Variants in C1orf146 observed in about 807,000 individuals in gnomAD.
The protein encoded by C1orf146 is protein SPO16 homolog.
In C1orf146, 22 loss-of-function variants were observed where a neutral mutation model predicts 23.0. The observed-to-expected ratio is 0.96, with a 90% CI of 0.68 to 1.36. The LOEUF (loss-of-function observed/expected upper bound fraction) is 1.36. Among genes scored for constraint, C1orf146 ranks in the 40% most tolerant of loss-of-function variants. The pLI, the probability that C1orf146 is intolerant of heterozygous loss-of-function variation, is 0.00. For missense variants in C1orf146, 199 were observed against 206.8 expected, an observed-to-expected ratio of 0.96 and a Z score of 0.23; for synonymous variants, 59 against 65.3, an observed-to-expected ratio of 0.90 and a Z score of 0.47.
intron 2 of C1orf146, chr1:92,240,772 C>T (rs183220695): frequency 2.8e-4 from 71 of 252,942 alleles, no homozygotes; most frequent in African/African-American, 1.5e-3. Context: ...GATTCTCTCA[C>T]CTCAGCCTCC....
intron 1 of C1orf146, among the ~76,000 whole-genome samples, chr1:92,229,846 A>C (rs1260261956): frequency 6.6e-6 from 1 of 152,194 alleles, no homozygotes; most frequent in Non-Finnish European, 1.5e-5. Flanking sequence ...AAAAAGTAAT[A>C]GGAAAATGGG....
At chr1:92,231,341 C>A (rs1044192644) in intron 1 of C1orf146, 41 bp from the exon 2 acceptor site, 5 of 907,838 alleles carry the variant, frequency 5.5e-6, no homozygotes, top group African/African-American at 5.1e-5. Flanking sequence ...ACTCATTCAT[C>A]AGATATTTCT....
At position 92,231,487 on chromosome 1, in the gene C1orf146, G is replaced by A; in HGVS notation, c.66+1G>A. The A allele has an allele frequency of 9.4e-6, 15 of 1,597,998 alleles. No individual in the cohort carries two copies. Among genetic ancestry groups the A allele is most frequent in the Non-Finnish European group, 1.1e-5 (13 of 1,173,516 alleles). ...CATTATTATTAGCTCATCTCTTAAG[G>A]TAAAGGGGCATTTGGGCCACTGATC... is the stretch of plus-strand genomic sequence containing the variant. On this transcript the variant is annotated splice_donor_variant, in intron 2 of 5. Coordinates refer to ENST00000370375, the MANE Select transcript of C1orf146 (RefSeq NM_001012425.2). LOFTEE classifies it high-confidence loss of function.
chr1:92,244,748 T>C (rs1315682196), intron 4 of C1orf146, 31 bp from the exon 5 acceptor site: 2 of 1,367,422 alleles, frequency 1.5e-6, no homozygotes, highest in Admixed American at 1.7e-5. Context: ...CAGCAAGTTA[T>C]ATGATCTGTA....
chr1:92,244,727 AGAACAGATGTC>A, intron 4 of C1orf146, 41 bp from the exon 5 acceptor site: 1 of 1,143,348 alleles, frequency 8.7e-7, no homozygotes, highest in Non-Finnish European at 1.3e-6. Context: ...CTTTCTTAAG[AGAACAGATGTC>A]AGCAAGTTAT....
At chr1:92,224,488 A>T (rs1205230831) in intron 1 of C1orf146, among the ~76,000 whole-genome samples, 3 of 152,182 alleles carry the variant, frequency 2.0e-5, no homozygotes, top group Admixed American at 2.0e-4. Context: ...TAGGAGACTT[A>T]CAGTTTTATG....
At chr1:92,224,043 TA>T (rs1651904741) in intron 1 of C1orf146, among the ~76,000 whole-genome samples, 1 of 148,318 alleles carries the variant, frequency 6.7e-6, no homozygotes, top group Non-Finnish European at 1.5e-5. Context: ...TTTATTTATT[TA>T]TTTATTTATT....
intron 2 of C1orf146, among the ~76,000 whole-genome samples, chr1:92,237,734 A>G (rs985295678): frequency 6.6e-6 from 1 of 152,154 alleles, no homozygotes; most frequent in Non-Finnish European, 1.5e-5. Context: ...TCCCCCATAA[A>G]TTATATTTTT....
intron 1 of C1orf146, chr1:92,229,355 G>A (rs1168608274): frequency 7.5e-5 from 41 of 545,356 alleles, no homozygotes; most frequent in Non-Finnish European, 1.3e-4. Context: ...AGGAAGACTG[G>A]AACAGCACCT....
rs139729022 is a variant in C1orf146, at chr1:92,243,289, C to A, written c.161-928C>A. On this transcript the variant is annotated intron_variant, in intron 3 of 5. Transcript: ENST00000370375. ...TTCCCTTTAGGACCATTCTTAATGGCCTGACACTGTTTCAGAGATTGCAGA... is the reference window on the plus strand; with the variant it reads ...TTCCCTTTAGGACCATTCTTAATGGACTGACACTGTTTCAGAGATTGCAGA... 6.0e-3 allele frequency among the ~76,000 whole-genome samples: 915 copies of A among 152,208 alleles called. 8 individuals are homozygous for A. Among genetic ancestry groups the A allele is most frequent in the African/African-American group, 0.019 (807 of 41,572 alleles).
chr1:92,234,017 C>A (rs1359969255), intron 2 of C1orf146, among the ~76,000 whole-genome samples: 1 of 152,118 alleles, frequency 6.6e-6, no homozygotes, highest in South Asian at 2.1e-4. Context: ...TGGGCTGAGA[C>A]GATGGGGTTT....
At chr1:92,227,525 C>T (rs965864099) in intron 1 of C1orf146, among the ~76,000 whole-genome samples, 6 of 151,928 alleles carry the variant, frequency 3.9e-5, no homozygotes, top group South Asian at 2.1e-4. Flanking sequence ...GGTGACAGAG[C>T]GAGACTCCAT....
intron 3 of C1orf146, 128 bp from the exon 4 acceptor site, chr1:92,244,089 T>C: frequency 1.6e-6 from 1 of 621,774 alleles, no homozygotes; most frequent in Non-Finnish European, 2.8e-6. Flanking sequence ...TATAGTACTT[T>C]CTATTCCTTA....
At chr1:92,228,471 AG>A (rs936191415) in intron 1 of C1orf146, among the ~76,000 whole-genome samples, 2 of 152,292 alleles carry the variant, frequency 1.3e-5, no homozygotes, top group South Asian at 2.1e-4. Context: ...TTGTAACCTA[AG>A]GCTCTGGATA....
intron 1 of C1orf146, chr1:92,229,136 T>G (rs1349454246): frequency 3.9e-6 from 2 of 519,024 alleles, no homozygotes; most frequent in African/African-American, 1.9e-5. Context: ...CCGAGTACTT[T>G]CGCTCTCGGG....
At chr1:92,221,480 A>T (rs1024623323) in intron 1 of C1orf146, among the ~76,000 whole-genome samples, 1 of 152,204 alleles carries the variant, frequency 6.6e-6, no homozygotes, top group Non-Finnish European at 1.5e-5. Flanking sequence ...CCCTGAATCT[A>T]AAATAAAAGT....
At chr1:92,219,711 C>A (rs1651774635) in intron 1 of C1orf146, among the ~76,000 whole-genome samples, 1 of 151,964 alleles carries the variant, frequency 6.6e-6, no homozygotes, top group South Asian at 2.1e-4. Context: ...TTGTTATTTA[C>A]AGGTGCAAAC....
At chr1:92,226,484 A>C (rs961403923) in intron 1 of C1orf146, among the ~76,000 whole-genome samples, 5 of 152,154 alleles carry the variant, frequency 3.3e-5, no homozygotes, top group Admixed American at 6.5e-5. Flanking sequence ...TAGAGAAATT[A>C]AGAGAACTGA....
intron 2 of C1orf146, 64 bp downstream of exon 2, chr1:92,231,550 A>G: frequency 5.4e-6 from 6 of 1,118,822 alleles, no homozygotes; most frequent in Non-Finnish European, 6.5e-6. Flanking sequence ...TTCATATAGA[A>G]CAACATTTTA....
Sources: gnomAD v4.1 joint callset for allele counts (sites outside exome capture counted in the v4.1 genomes callset) on GRCh38, gnomAD v4.1.1 for gene constraint, MANE v1.5 for transcripts, NCBI Gene and HGNC (gene_info 2026-07-23, HGNC 2026-07-21) for gene names.